The following DYNC2LI1 variants were observed in gnomAD, a reference collection of about 807,000 sequenced individuals.
DYNC2LI1 encodes cytoplasmic dynein 2 light intermediate chain 1.
In DYNC2LI1, 45 loss-of-function variants were observed where a neutral mutation model predicts 51.9. That is an observed-to-expected ratio of 0.87 (90% confidence interval 0.68 to 1.11). DYNC2LI1 has a LOEUF of 1.11. Among genes scored for constraint, DYNC2LI1 ranks in the 50% most tolerant of loss-of-function variants. The pLI, the probability that DYNC2LI1 is intolerant of heterozygous loss-of-function variation, is 0.00. For synonymous variants in DYNC2LI1, 130 were observed against 137.8 expected (o/e 0.94, Z 0.40); for missense variants, 490 against 417.4 (o/e 1.17, Z -1.51).
intron 10 of DYNC2LI1, 147 bp downstream of exon 10, chr2:43,801,856 G>A: frequency 1.7e-6 from 1 of 582,462 alleles, no homozygotes; most frequent in Non-Finnish European, 3.0e-6. Flanking sequence ...TATATGCCCA[G>A]TATTAATGTA....
rs778864477 is a variant in DYNC2LI1 at position 43,789,716 on chromosome 2, C to T, written c.315C>T (p.Thr105=). ...TCAGCATACCCATCACAGGTGACAC[C>T]TTACGGTAAGTGAGCCAGCTCCAGG... ...DLISIPITGD[T]LRTFSLVLVL... Residue 105 remains threonine (T), a synonymous_variant, in exon 5 of 13, where the codon ACC becomes ACT. Transcript: ENST00000260605. 2 of 1,613,018 alleles carry T rather than the reference C, an allele frequency of 1.2e-6. No individual in the cohort carries two copies. The highest frequency in any genetic ancestry group is 1.7e-6 in the Non-Finnish European group (2 of 1,179,526).
the DYNC2LI1 span, chr2:43,824,845 G>A: frequency 6.2e-7 from 1 of 1,610,932 alleles, no homozygotes; most frequent in South Asian, 1.1e-5. Flanking sequence ...AGATGAGAAA[G>A]TTTAAAAAAC....
At chr2:43,780,651 TG>T (rs1184561322) in intron 2 of DYNC2LI1, among the ~76,000 whole-genome samples, 1 of 151,998 alleles carries the variant, frequency 6.6e-6, no homozygotes, top group Non-Finnish European at 1.5e-5. Context: ...GCTGAGATAT[TG>T]GGGAGTTTGC....
chr2:43,792,827 G>A, intron 5 of DYNC2LI1: 1 of 1,512,590 alleles, frequency 6.6e-7, no homozygotes, highest in Non-Finnish European at 8.8e-7. Context: ...TATGTGTCAG[G>A]ATTTCCCTCA....
At position 43,789,292 on chromosome 2, in the gene DYNC2LI1, C is replaced by T. The variant is rs17031536; in HGVS notation, c.232-341C>T. ...TATAAATGTTTTCCAAAAGATAATA[C>T]GAAATTTGTTGAACGGGTTAATTTT... On this transcript the variant is annotated intron_variant, in intron 4 of 12. Coordinates refer to ENST00000260605, the MANE Select transcript of DYNC2LI1 (RefSeq NM_016008.4). Among the ~76,000 whole-genome samples, 1,020 of 152,174 alleles carry T rather than the reference C, an allele frequency of 6.7e-3. 12 individuals are homozygous for T. The highest frequency in any genetic ancestry group is 0.023 in the African/African-American group (952 of 41,504).
chr2:43,796,789 AT>A lies in DYNC2LI1; in HGVS notation c.650del (p.Leu217Ter). On this transcript the variant is annotated frameshift_variant, in exon 8 of 13. Coordinates refer to ENST00000260605, the MANE Select transcript of DYNC2LI1 (RefSeq NM_016008.4). LOFTEE classifies it high-confidence loss of function. Reference sequence around the variant, plus strand: ...TTGTTGCACATTATTATGGAGCATCATTAATGGTTTGTACATTTCTTGTCCT... The same window carrying A: ...TTGTTGCACATTATTATGGAGCATCATAATGGTTTGTACATTTCTTGTCCT... ...RFVAHYYGAS[L>X]MFTSKSEALL... The A allele has an allele frequency of 6.2e-7, 1 of 1,613,402 alleles. No individual in the cohort carries two copies. Among genetic ancestry groups the A allele is most frequent in the Non-Finnish European group, 8.5e-7 (1 of 1,179,564 alleles).
chr2:43,805,698 C>G (rs1666226858), intron 12 of DYNC2LI1: 1 of 152,686 alleles, frequency 6.5e-6, no homozygotes, highest in Non-Finnish European at 1.5e-5. Flanking sequence ...GGACTGAAAG[C>G]ACGATCTGAA....
chr2:43,826,498 T>C, the DYNC2LI1 span: 22 of 1,614,066 alleles, frequency 1.4e-5, no homozygotes, highest in Admixed American at 1.3e-4. Context: ...AGGCCTGTGG[T>C]TGGCTCATCA....
chr2:43,798,112 C>T (rs1443938353), intron 8 of DYNC2LI1, among the ~76,000 whole-genome samples: 1 of 144,762 alleles, frequency 6.9e-6, no homozygotes, highest in Non-Finnish European at 1.5e-5. Flanking sequence ...GGGCTTGTCT[C>T]AAAAAAAAAA....
At chr2:43,815,299 ATTCT>A in the DYNC2LI1 span, among the ~76,000 whole-genome samples, 1 of 152,212 alleles carries the variant, frequency 6.6e-6, no homozygotes, top group African/African-American at 2.4e-5. Flanking sequence ...AAGGTATAAA[ATTCT>A]TTCTGTTTGC....
chr2:43,791,203 A>AGAGT (rs1477298889), intron 5 of DYNC2LI1, among the ~76,000 whole-genome samples: 1 of 152,192 alleles, frequency 6.6e-6, no homozygotes. Context: ...CCTGAGTGAC[A>AGAGT]GAGTGAGACA....
intron 12 of DYNC2LI1, among the ~76,000 whole-genome samples, chr2:43,806,983 C>T (rs764672224): frequency 4.6e-5 from 7 of 152,130 alleles, no homozygotes; most frequent in Non-Finnish European, 1.0e-4. Context: ...CGAATTGATT[C>T]CAGATTGCAC....
chr2:43,801,149 C>A (rs1388999665), intron 9 of DYNC2LI1: 1 of 157,690 alleles, frequency 6.3e-6, no homozygotes, highest in Non-Finnish European at 1.4e-5. Context: ...CAAGACTCAA[C>A]ATAAAGGGGA....
intron 8 of DYNC2LI1, among the ~76,000 whole-genome samples, chr2:43,798,957 G>A (rs1034897681): frequency 1.3e-5 from 2 of 151,588 alleles, no homozygotes; most frequent in African/African-American, 4.9e-5. Context: ...CCTATATAGT[G>A]CAGTTGAGAA....
At chr2:43,801,866 A>T (rs889524068) in intron 10 of DYNC2LI1, among the ~76,000 whole-genome samples, 157 bp downstream of exon 10, 1 of 152,132 alleles carries the variant, frequency 6.6e-6, no homozygotes, top group Non-Finnish European at 1.5e-5. Flanking sequence ...GTATTAATGT[A>T]ACATGCATCA....
chr2:43,775,487 T>C (rs955530951), intron 1 of DYNC2LI1, among the ~76,000 whole-genome samples: 6 of 151,640 alleles, frequency 4.0e-5, no homozygotes, highest in Non-Finnish European at 8.8e-5. Flanking sequence ...TTTTTTTCTT[T>C]CTTTCTTTAT....
chr2:43,819,748 G>A, the DYNC2LI1 span, among the ~76,000 whole-genome samples: 3 of 152,150 alleles, frequency 2.0e-5, no homozygotes, highest in Non-Finnish European at 4.4e-5. Flanking sequence ...CAAATGAACA[G>A]TTCAAGGTCT....
chr2:43,804,853 A>G (rs1666191074), intron 11 of DYNC2LI1, 114 bp downstream of exon 11: 2 of 642,626 alleles, frequency 3.1e-6, no homozygotes, highest in Non-Finnish European at 5.0e-6. Flanking sequence ...ATGCTCAAAA[A>G]TCAATTAAAC....
chr2:43,809,857 A>G lies in DYNC2LI1; in HGVS notation c.*90A>G. On this transcript the variant is annotated 3_prime_UTR_variant, in exon 13 of 13. Transcript: ENST00000260605. ...TTAACTATTGTGGCAATATGTGAAG[A>G]AAGTTAAACTGTATAATTTGTTAAA... 6.7e-7 allele frequency: 1 copy of G among 1,489,666 alleles called. No individual in the cohort carries two copies. Among genetic ancestry groups the G allele is most frequent in the South Asian group, 1.4e-5 (1 of 71,348 alleles). 92.3% of individuals were successfully genotyped at this position (1,489,666 alleles called of 1,614,324 possible).
Sources: gnomAD v4.1 joint callset for allele counts (sites outside exome capture counted in the v4.1 genomes callset) on GRCh38, gnomAD v4.1.1 for gene constraint, MANE v1.5 for transcripts, NCBI Gene and HGNC (gene_info 2026-07-23, HGNC 2026-07-21) for gene names.